The following TULP2 variants were observed in gnomAD, a reference collection of about 807,000 sequenced individuals.
The protein encoded by TULP2 is tubby-related protein 2.
A neutral mutation model predicts 60.3 loss-of-function variants in TULP2; 64 were observed. The observed-to-expected ratio is 1.06, with a 90% confidence interval of 0.87 to 1.31. TULP2 has a LOEUF of 1.31. TULP2 is among the 50% of genes most tolerant of loss of function. The pLI is 0.00. For missense variants in TULP2, 652 were observed against 667.0 expected (o/e 0.98, Z 0.25); for synonymous variants, 267 against 265.4 (o/e 1.01, Z -0.06).
rs182426608 is a variant in TULP2 at position 48,882,036 on chromosome 19, T to G, written c.1443A>C (p.Lys481Asn). The change falls in exon 12 of 13, where the codon AAA (lysine) becomes AAC (asparagine). Residue 481 changes from lysine to asparagine, a missense_variant. Coordinates refer to ENST00000221399, the MANE Select transcript of TULP2 (RefSeq NM_003323.3). ...SVKNFQIVDP[K>N]HQEHLVLQFG... ...AACTGGTTTCCAGGAGCTCACGGTG[T>G]TTGGGATCCACGATTTGGAAGTTCT... The G allele has an allele frequency of 6.2e-7, 1 of 1,614,104 alleles. No individual in the cohort carries two copies. Among genetic ancestry groups the G allele is most frequent in the Non-Finnish European group, 8.5e-7 (1 of 1,180,002 alleles).
At position 48,897,827 on chromosome 19, in the gene TULP2, C is replaced by A. The variant is rs986999658; in HGVS notation, c.32+10G>T. 4.3e-6 allele frequency: 7 copies of A among 1,613,716 alleles called. No individual in the cohort carries two copies. In the African/African-American group the frequency reaches 9.3e-5, roughly 22 times the overall value. On this transcript the variant is annotated intron_variant, in intron 2 of 12. Coordinates refer to ENST00000221399, the MANE Select transcript of TULP2 (RefSeq NM_003323.3). The surrounding 1 kb of genome is among the most constrained non-coding windows in gnomAD (Gnocchi z 4.0). The stretch of plus-strand genomic sequence containing the variant: ...CACCTCCACCCCTACCCATCTGTTT[C>A]CCTACTCACTCTCTCATCAATGTGT...
At chr19:48,881,823 T>G (rs554688167) in intron 12 of TULP2, among the ~76,000 whole-genome samples, 2 of 152,268 alleles carry the variant, frequency 1.3e-5, no homozygotes, top group South Asian at 2.1e-4. Context: ...AGGCCGAGAA[T>G]GGAGACTTTT....
intron 4 of TULP2, 143 bp downstream of exon 4, chr19:48,896,287 A>G: frequency 5.6e-6 from 7 of 1,245,896 alleles, no homozygotes; most frequent in Non-Finnish European, 7.5e-6. Context: ...GCCCTGTTCT[A>G]AAGCTCTCCT....
rs368026393 is a variant in TULP2 at position 48,895,406 on chromosome 19, G to A, written c.309C>T (p.Gly103=). ...GTGTCGGGAGGCCGCGCTCGCCCCTGCCGTCTCCACCACAGCTCACGGTGC... is the reference window on the plus strand; with the variant it reads ...GTGTCGGGAGGCCGCGCTCGCCCCTACCGTCTCCACCACAGCTCACGGTGC... ...ALGTVSCGGD[G]RGERGLPTPR... The change falls in exon 5 of 13, where the codon GGC becomes GGT. Residue 103 remains glycine, a synonymous_variant. Coordinates refer to ENST00000221399, the MANE Select transcript of TULP2 (RefSeq NM_003323.3). 16 of 1,613,984 alleles carry A rather than the reference G, an allele frequency of 9.9e-6. No individual in the cohort carries two copies. The South Asian group carries it at 1.5e-4, about 16-fold the overall frequency.
chr19:48,891,538 G>A (rs1417926243), intron 6 of TULP2, among the ~76,000 whole-genome samples: 1 of 120,874 alleles, frequency 8.3e-6, no homozygotes, highest in Non-Finnish European at 1.6e-5. Flanking sequence ...GCTGAGGCAG[G>A]AGAATCGCTT....
Position 48,897,260 on chromosome 19 carries a change from T to A in TULP2, c.84+85A>T. The stretch of plus-strand genomic sequence containing the variant: ...AGAGACAGCCAACACGGGCTGGGAG[T>A]CCTAGAGCAAGACCTGGTGGAGAGG... On this transcript the variant is annotated intron_variant, in intron 3 of 12. Transcript: ENST00000221399. This position sits in a 1 kb window ranked among gnomAD's most constrained non-coding sequence, Gnocchi z 4.0. 5.5e-6 allele frequency: 8 copies of A among 1,442,902 alleles called. No homozygotes were observed. In the South Asian group the frequency reaches 9.5e-5, roughly 17 times the overall value. The allele number at this position is 1,442,902 out of a possible 1,614,324, so 89.4% of individuals were successfully genotyped here.
intron 7 of TULP2, among the ~76,000 whole-genome samples, chr19:48,888,465 T>C (rs190970464): frequency 1.3e-5 from 2 of 152,256 alleles, no homozygotes; most frequent in African/African-American, 4.8e-5. Flanking sequence ...GCCACACGCA[T>C]TCCACCTGCT....
rs1301867379 is a variant in TULP2 at position 48,883,741 on chromosome 19, G to A, written c.1275+13C>T. On this transcript the variant is annotated intron_variant, in intron 11 of 12. Transcript: ENST00000221399. ...CTCCATTGACCCAGAGATTCCTGAT[G>A]TCAGGGACTCACATTTAGTGGCTGG... 3 of 1,613,454 alleles carry A rather than the reference G, an allele frequency of 1.9e-6. No homozygotes were observed. The highest frequency in any genetic ancestry group is 2.2e-5 in the East Asian group (1 of 44,890).
rs530585672 is a variant in TULP2, at chr19:48,897,055, A to G, written c.84+290T>C. Among the ~76,000 whole-genome samples, 22 of 151,896 alleles carry G rather than the reference A, an allele frequency of 1.4e-4. No homozygotes were observed. The highest frequency in any genetic ancestry group is 4.4e-5 in the Non-Finnish European group (3 of 67,968). The stretch of plus-strand genomic sequence containing the variant: ...CAGGCGCCTGCCACCACACCTGGCT[A>G]ATTTTTTGTGTGTTAGTAGAGACGG... On this transcript the variant is annotated intron_variant, in intron 3 of 12. Transcript: ENST00000221399. The surrounding 1 kb of genome is among the most constrained non-coding windows in gnomAD (Gnocchi z 4.0).
Position 48,881,146 on chromosome 19 carries a change from C to T in TULP2, c.1448-20G>A. ...GTTCTTCTGAGAAGTGAATCAGGAA[C>T]AAAGCCTTAGCCTGACTCTCTCATC... On this transcript the variant is annotated intron_variant, in intron 12 of 12. Transcript: ENST00000221399. 1 of 1,490,276 alleles carries T rather than the reference C, an allele frequency of 6.7e-7. No individual in the cohort carries two copies. The highest frequency in any genetic ancestry group is 1.7e-5 in the Admixed American group (1 of 57,504). 92.3% of individuals were successfully genotyped at this position (1,490,276 alleles called of 1,614,324 possible).
At position 48,896,563 on chromosome 19, in the gene TULP2, A is replaced by T. The variant is rs776931160; in HGVS notation, c.85-7T>A. On this transcript the variant is annotated splice_region_variant and splice_polypyrimidine_tract_variant and intron_variant, in intron 3 of 12. Coordinates refer to ENST00000221399, the MANE Select transcript of TULP2 (RefSeq NM_003323.3). ...TCTTTTCAAACAGCCGCCGCTGGGG[A>T]GATGGGAGAGGTGGGTGTCCGGGAC... 18 of 1,592,628 alleles carry T rather than the reference A, an allele frequency of 1.1e-5. 1 individual carries two copies. In the South Asian group the frequency reaches 2.0e-4, roughly 18 times the overall value.
At chr19:48,883,029 C>T (rs2037148411) in intron 11 of TULP2, among the ~76,000 whole-genome samples, 1 of 152,082 alleles carries the variant, frequency 6.6e-6, no homozygotes, top group South Asian at 2.1e-4. Flanking sequence ...ACCATCCTGA[C>T]TAACACAGTG....
intron 7 of TULP2, among the ~76,000 whole-genome samples, chr19:48,889,172 C>T (rs112149380): frequency 0.091 from 13,821 of 151,818 alleles, 668 homozygotes; most frequent in South Asian, 0.13. Context: ...GACAGGGTTT[C>T]ACCACGTTGG....
intron 1 of TULP2, 189 bp downstream of exon 1, chr19:48,898,401 C>G (rs1421150251): frequency 6.6e-6 from 1 of 150,792 alleles, no homozygotes. Flanking sequence ...CCCCAAATAT[C>G]TAATTCTCCA....
Position 48,896,498 on chromosome 19 carries a change from G to C in TULP2, c.143C>G (p.Ala48Gly). 1 of 1,610,434 alleles carries C rather than the reference G, an allele frequency of 6.2e-7. No homozygotes were observed. Among genetic ancestry groups the C allele is most frequent in the Non-Finnish European group, 8.5e-7 (1 of 1,178,520 alleles). Residue 48 changes from alanine (A) to glycine (G), a missense_variant, in exon 4 of 13, where the codon GCC becomes GGC. Physicochemically the swap from Ala to Gly is moderately conservative, Grantham distance 60 (BLOSUM62 0). Transcript: ENST00000221399. ...AAGCCACGGGGAAGCGTCAGGATTG[G>C]CCTGAACCATGAGGAGCTCCTGGCG... ...QKRQELLMVQ[A>G]NPDASPWLWR...
In TULP2 at chr19:48,898,683, T is replaced by C. The variant is rs10402713; in HGVS notation, c.-95A>G. The C allele has an allele frequency of 0.5, 75,831 of 151,750 alleles. 21,861 individuals are homozygous for C. Among genetic ancestry groups the C allele is most frequent in the African/African-American group, 0.81 (33,449 of 41,414 alleles). The allele number at this position is 151,750 out of a possible 1,614,324, so 9.4% of individuals were successfully genotyped here. ...CGGCTCAGAGGGAGGGAGGATTCCC[T>C]CTGGGACCTGAACTGGTCCACTCCC... On this transcript the variant is annotated 5_prime_UTR_variant, in exon 1 of 13. Coordinates refer to ENST00000221399, the MANE Select transcript of TULP2 (RefSeq NM_003323.3).
At chr19:48,893,326 C>T (rs572653156) in intron 6 of TULP2, among the ~76,000 whole-genome samples, 5 of 149,896 alleles carry the variant, frequency 3.3e-5, no homozygotes, top group African/African-American at 1.2e-4. Context: ...GCTGAGATCG[C>T]GCCATTGCAT....
At chr19:48,887,850 G>T in intron 8 of TULP2, 100 bp downstream of exon 8, 1 of 1,328,722 alleles carries the variant, frequency 7.5e-7, no homozygotes, top group African/African-American at 1.5e-5. Context: ...GAGCCACTGT[G>T]CCCAGCCCCA....
In TULP2 at chr19:48,882,195, C is replaced by A. The variant is rs760265995; in HGVS notation, c.1284G>T (p.Glu428Asp). ...CACGTTGGTAACGACTCAGTAGCGACTCCTGTTCCTAGAAGGTAAAGAAGG... is the reference window on the plus strand; with the variant it reads ...CACGTTGGTAACGACTCAGTAGCGAATCCTGTTCCTAGAAGGTAAAGAAGG... ...RINVQPLNEQESLLSRYQRGD... is the reference protein window; with the variant it reads ...RINVQPLNEQDSLLSRYQRGD... The change falls in exon 12 of 13, where the codon GAG becomes GAT. Residue 428 changes from glutamate to aspartate, a missense_variant. Physicochemically the swap from Glu to Asp is conservative, Grantham distance 45 (BLOSUM62 2). Coordinates refer to ENST00000221399, the MANE Select transcript of TULP2 (RefSeq NM_003323.3). 2 of 1,614,090 alleles carry A rather than the reference C, an allele frequency of 1.2e-6. No individual in the cohort carries two copies. Among genetic ancestry groups the A allele is most frequent in the Non-Finnish European group, 1.7e-6 (2 of 1,180,004 alleles).
Sources: gnomAD v4.1 joint callset for allele counts (sites outside exome capture counted in the v4.1 genomes callset) on GRCh38, gnomAD v4.1.1 for gene constraint, Gnocchi (gnomAD v3.1) non-coding constraint, MANE v1.5 for transcripts, NCBI Gene and HGNC (gene_info 2026-07-23, HGNC 2026-07-21) for gene names.